The following TP63 variants were observed in gnomAD, a reference collection of about 807,000 sequenced individuals.
TP63 encodes tumor protein p63.
Under a neutral mutation model 82.8 loss-of-function variants are expected in TP63, and 17 were observed. That is an observed-to-expected ratio of 0.21 (90% confidence interval 0.14 to 0.31). The LOEUF (loss-of-function observed/expected upper bound fraction) is 0.31, where lower values mean the gene tolerates loss of function less well. Ranked by LOEUF, TP63 falls within the 10% of genes least tolerant of loss-of-function variation. The pLI, the probability that TP63 is intolerant of heterozygous loss-of-function variation, is 1.00. For missense variants in TP63, 648 were observed against 895.3 expected (o/e 0.72, Z 3.52); for synonymous variants, 330 against 321.7 (o/e 1.03, Z -0.28).
intron 3 of TP63, among the ~76,000 whole-genome samples, chr3:189,804,561 G>T (rs9968085): frequency 1.3e-5 from 2 of 152,114 alleles, no homozygotes; most frequent in African/African-American, 4.8e-5. Context: ...CCAGCCCTTG[G>T]CTTCCAATTG....
At chr3:189,824,774 A>G (rs1729159382) in intron 4 of TP63, among the ~76,000 whole-genome samples, 1 of 151,736 alleles carries the variant, frequency 6.6e-6, no homozygotes, top group South Asian at 2.1e-4. Flanking sequence ...AATCATTGCC[A>G]TGAGCTAATG....
chr3:189,687,324 C>G (rs1302097217), intron 1 of TP63, among the ~76,000 whole-genome samples: 1 of 152,130 alleles, frequency 6.6e-6, no homozygotes, highest in African/African-American at 2.4e-5. Flanking sequence ...TTAATACAAT[C>G]CAATCCCATC....
chr3:189,710,030 T>C (rs1718482195), intron 1 of TP63, among the ~76,000 whole-genome samples: 2 of 152,004 alleles, frequency 1.3e-5, no homozygotes, highest in African/African-American at 2.4e-5. Context: ...AAATAGGGGG[T>C]TGTGTAATGT....
intron 4 of TP63, among the ~76,000 whole-genome samples, chr3:189,830,331 A>G (rs146349027): frequency 1.5e-3 from 222 of 152,330 alleles, no homozygotes; most frequent in East Asian, 6.7e-3. Flanking sequence ...TCTACCTTCA[A>G]TTTGACTTAC....
chr3:189,599,809 G>A, the TP63 span, among the ~76,000 whole-genome samples: 1 of 152,106 alleles, frequency 6.6e-6, no homozygotes, highest in Non-Finnish European at 1.5e-5. Context: ...TAAAACACTA[G>A]ATTTGAAAAT....
At chr3:189,640,550 T>C (rs1711756924) in intron 1 of TP63, among the ~76,000 whole-genome samples, 1 of 152,114 alleles carries the variant, frequency 6.6e-6, no homozygotes, top group African/African-American at 2.4e-5. Flanking sequence ...TGTTCAATCA[T>C]TTTTTTCTTG....
intron 1 of TP63, among the ~76,000 whole-genome samples, chr3:189,656,886 G>A (rs930463686): frequency 2.6e-5 from 4 of 151,900 alleles, no homozygotes; most frequent in Non-Finnish European, 4.4e-5. Flanking sequence ...TATTATTAGG[G>A]TTTGAAATTT....
chr3:189,746,061 C>T (rs543178966), intron 3 of TP63, among the ~76,000 whole-genome samples: 53 of 152,148 alleles, frequency 3.5e-4, no homozygotes, highest in Non-Finnish European at 4.6e-4. Flanking sequence ...ATATGAGTTT[C>T]GGAACTCTCC....
intron 1 of TP63, among the ~76,000 whole-genome samples, chr3:189,728,860 G>C (rs762009697): frequency 7.9e-5 from 12 of 152,278 alleles, no homozygotes; most frequent in Admixed American, 3.3e-4. Flanking sequence ...ACTTCCTCCT[G>C]GTCCTGCCCT....
chr3:189,631,458 A>T lies in TP63; in HGVS notation c.-58A>T, dbSNP rs28673064. On this transcript the variant is annotated 5_prime_UTR_variant, in exon 1 of 14. It removes an upstream start codon present in the reference 5' UTR. Coordinates refer to ENST00000264731, the MANE Select transcript of TP63 (RefSeq NM_003722.5). ...TTTATATCTATATATACACAGGTAT[A>T]TGTGTATATTTTATATAATTGTTCT... 0.48 allele frequency: 771,214 copies of T among 1,608,672 alleles called. 187,736 individuals are homozygous for T. The highest frequency in any genetic ancestry group is 0.74 in the East Asian group (32,979 of 44,646).
At chr3:189,608,804 A>G in the TP63 span, among the ~76,000 whole-genome samples, 1 of 152,150 alleles carries the variant, frequency 6.6e-6, no homozygotes, top group Non-Finnish European at 1.5e-5. Context: ...ATATTTTAAT[A>G]TCTTTCCAAA....
rs145957860 is a variant in TP63, at chr3:189,728,790, G to C, written c.63-8950G>C. On this transcript the variant is annotated intron_variant, in intron 1 of 13. Transcript: ENST00000264731. Reference sequence around the variant, plus strand: ...CTTATAAAACCATCAGATCTCATGAGACTCACGCATTTTCAGGAGAACAGC... The same window carrying C: ...CTTATAAAACCATCAGATCTCATGACACTCACGCATTTTCAGGAGAACAGC... Among the ~76,000 whole-genome samples the C allele has an allele frequency of 3.3e-5, 5 of 152,256 alleles. No individual in the cohort carries two copies. The East Asian group carries it at 9.7e-4, about 29-fold the overall frequency.
In TP63 at chr3:189,719,640, T is replaced by TCATAGCA. The variant is rs1719232709; in HGVS notation, c.63-18100_63-18099insCATAGCA. Among the ~76,000 whole-genome samples the TCATAGCA allele has an allele frequency of 2.0e-5, 3 of 152,164 alleles. No individual in the cohort carries two copies. The South Asian group carries it at 6.2e-4, about 32-fold the overall frequency. ...AGCTACTCAGCTCTGCCGTCGCAGG[T>TCATAGCA]TGAAAGCAGTCATAGACTACACCTA... is the stretch of plus-strand genomic sequence containing the variant. On this transcript the variant is annotated intron_variant, in intron 1 of 13. Coordinates refer to ENST00000264731, the MANE Select transcript of TP63 (RefSeq NM_003722.5).
intron 3 of TP63, among the ~76,000 whole-genome samples, chr3:189,804,869 A>T (rs913264841): frequency 6.6e-6 from 1 of 152,218 alleles, no homozygotes; most frequent in Non-Finnish European, 1.5e-5. Flanking sequence ...ATCACTTGAG[A>T]AGCGTTTCAA....
intron 1 of TP63, among the ~76,000 whole-genome samples, chr3:189,717,676 C>G (rs1194398851): frequency 6.6e-6 from 1 of 152,174 alleles, no homozygotes; most frequent in Non-Finnish European, 1.5e-5. Context: ...TGTTCAGTCC[C>G]TAAGCTGCTT....
At chr3:189,621,932 T>C in the TP63 span, among the ~76,000 whole-genome samples, 1 of 152,232 alleles carries the variant, frequency 6.6e-6, no homozygotes, top group Non-Finnish European at 1.5e-5. Flanking sequence ...ACTGAGGCTA[T>C]TCCTGCAAGG....
intron 1 of TP63, among the ~76,000 whole-genome samples, chr3:189,701,446 G>A (rs1273367201): frequency 2.6e-5 from 4 of 151,122 alleles, no homozygotes; most frequent in Non-Finnish European, 5.9e-5. Flanking sequence ...AACTGAATAT[G>A]AGAAGCCACC....
chr3:189,614,761 A>C, the TP63 span, among the ~76,000 whole-genome samples: 63 of 152,338 alleles, frequency 4.1e-4, no homozygotes, highest in East Asian at 0.012. Flanking sequence ...AGATATTTGA[A>C]AGCATGTGGC....
intron 3 of TP63, among the ~76,000 whole-genome samples, chr3:189,801,436 C>T (rs1289726498): frequency 6.6e-6 from 1 of 152,012 alleles, no homozygotes; most frequent in Non-Finnish European, 1.5e-5. Flanking sequence ...ATAATAATTC[C>T]TTCAGAATTG....
Sources: allele counts gnomAD v4.1 joint callset (sites outside exome capture counted in the v4.1 genomes callset), GRCh38; gene constraint gnomAD v4.1.1; transcripts MANE v1.5; gene names NCBI Gene and HGNC (gene_info 2026-07-23, HGNC 2026-07-21).